Variants in NBPF11 observed in about 807,000 individuals in gnomAD.
NBPF11 encodes NBPF family member NBPF11.
Under a neutral mutation model 93.9 loss-of-function variants are expected in NBPF11, and 72 were observed. The ratio of observed to expected loss-of-function variants is 0.77; its 90% CI spans 0.63 to 0.93. The LOEUF (loss-of-function observed/expected upper bound fraction) is 0.93, where lower values mean the gene tolerates loss of function less well. Among genes scored for constraint, NBPF11 ranks in the 40% least tolerant of loss-of-function variants. The probability of loss-of-function intolerance (pLI) is 0.00; values close to 1 mark genes in which losing one functional copy is unlikely to be tolerated. For missense variants in NBPF11, 705 were observed against 802.2 expected (o/e 0.88, Z 1.46); for synonymous variants, 224 against 304.9 (o/e 0.73, Z 2.76).
chr1:148,140,069 A>G (rs1259867361), intron 2 of NBPF11, among the ~76,000 whole-genome samples: 82 of 152,032 alleles, frequency 5.4e-4, no homozygotes, highest in Non-Finnish European at 9.8e-4. Context: ...AAGTTGGTCA[A>G]AAGAGAAAAC....
intron 18 of NBPF11, among the ~76,000 whole-genome samples, chr1:148,108,021 A>T (rs2149177627): frequency 6.6e-6 from 1 of 150,888 alleles, no homozygotes; most frequent in South Asian, 2.1e-4. Flanking sequence ...GCAAATGGTT[A>T]TGCCATATTT....
intron 2 of NBPF11, among the ~76,000 whole-genome samples, chr1:148,143,213 C>T (rs1225789788): frequency 7.3e-5 from 11 of 151,226 alleles, no homozygotes; most frequent in Non-Finnish European, 1.0e-4. Context: ...CACTTTCACC[C>T]GACCATGGCA....
At chr1:148,119,409 C>A (rs1209602705) in intron 10 of NBPF11, among the ~76,000 whole-genome samples, 10 of 151,962 alleles carry the variant, frequency 6.6e-5, no homozygotes, top group Non-Finnish European at 1.3e-4. Flanking sequence ...TTCACTGCAG[C>A]AATTTACAGA....
At chr1:148,104,116 C>G (rs1402033511) in intron 23 of NBPF11, among the ~76,000 whole-genome samples, 9 of 88,776 alleles carry the variant, frequency 1.0e-4, no homozygotes, top group Middle Eastern at 6.2e-3. Flanking sequence ...GAGAGAGAGA[C>G]AGAGACAGAG....
Position 148,120,596 on chromosome 1 carries a change from T to C in NBPF11, c.893A>G (p.Gln298Arg). ...GAACTGCTGTTTCTTCTCTGCCAGC[T>C]GGGGGCACAATTTCTCATTGATTTC... ...ILEINEKLCP[Q>R]LAEKKQQFRS... The change falls in exon 10 of 24, where the codon CAG (glutamine) becomes CGG (arginine). Residue 298 changes from glutamine to arginine, a missense_variant. Physicochemically the swap from Gln to Arg is conservative, Grantham distance 43. Around this residue, in one of 12 missense-constraint regions of NBPF11, gnomAD observed 262 missense variants for 223.1 expected, o/e 1.17. Transcript: ENST00000682118. The C allele has an allele frequency of 6.7e-7, 1 of 1,493,874 alleles. No individual in the cohort carries two copies. Among genetic ancestry groups the C allele is most frequent in the Non-Finnish European group, 9.3e-7 (1 of 1,071,852 alleles). The allele number at this position is 1,493,874 out of a possible 1,614,324, so 92.5% of individuals were successfully genotyped here.
rs1447371178 is a variant in NBPF11 at position 148,105,557 on chromosome 1, A to G, written c.2304-29T>C. On this transcript the variant is annotated intron_variant, in intron 21 of 23. Transcript: ENST00000682118. ...GAAAAGGAGGAAAAAGTAAAGAATAAGCCAGGGGAAATCACACACAACAGA... is the reference window on the plus strand; with the variant it reads ...GAAAAGGAGGAAAAAGTAAAGAATAGGCCAGGGGAAATCACACACAACAGA... 5.0e-5 allele frequency: 36 copies of G among 724,748 alleles called. 5 individuals carry two copies. In the East Asian group the frequency reaches 9.3e-4, roughly 19 times the overall value. The allele number at this position is 724,748 out of a possible 1,614,324, so 44.9% of individuals were successfully genotyped here.
intron 6 of NBPF11, among the ~76,000 whole-genome samples, chr1:148,124,656 A>G (rs1332258762): frequency 3.3e-5 from 5 of 151,768 alleles, no homozygotes; most frequent in Non-Finnish European, 7.4e-5. Flanking sequence ...ATTTTGTGTT[A>G]TGTAAGTTTC....
intron 1 of NBPF11, chr1:148,149,540 C>T (rs1647735035): frequency 6.3e-7 from 1 of 1,594,050 alleles, no homozygotes; most frequent in African/African-American, 1.3e-5. Context: ...CTTCATCTCC[C>T]AGGAGCTGCC....
intron 1 of NBPF11, chr1:148,149,686 A>G: frequency 1.4e-6 from 1 of 700,790 alleles, no homozygotes. Context: ...CCCCGCCCCG[A>G]CCCAGGGGCT....
chr1:148,141,394 A>T (rs1456133636), intron 2 of NBPF11, among the ~76,000 whole-genome samples: 1 of 152,072 alleles, frequency 6.6e-6, no homozygotes, highest in Non-Finnish European at 1.5e-5. Flanking sequence ...GTGCTGGAGG[A>T]CAGGGGAGCC....
intron 1 of NBPF11, among the ~76,000 whole-genome samples, chr1:148,145,085 A>G (rs1672777063): frequency 6.7e-6 from 1 of 149,274 alleles, no homozygotes; most frequent in African/African-American, 2.6e-5. Flanking sequence ...CCTGGGCAAC[A>G]GAGTAAGACC....
At chr1:148,121,518 CTTTTT>C (rs1290215827) in intron 9 of NBPF11, among the ~76,000 whole-genome samples, 1 of 146,308 alleles carries the variant, frequency 6.8e-6, no homozygotes, top group Non-Finnish European at 1.5e-5. Flanking sequence ...CAGCTAATTT[CTTTTT>C]TTTTTGTATT....
intron 17 of NBPF11, 150 bp downstream of exon 17, chr1:148,109,134 T>A: frequency 1.3e-6 from 1 of 749,176 alleles, no homozygotes; most frequent in Non-Finnish European, 2.4e-6. Context: ...AAACATTTAC[T>A]CTAATGAGAA....
At chr1:148,150,346 C>T (rs1302209287) in intron 1 of NBPF11, among the ~76,000 whole-genome samples, 1 of 150,154 alleles carries the variant, frequency 6.7e-6, no homozygotes, top group Non-Finnish European at 1.5e-5. Context: ...TCAAGTGATC[C>T]GCCCACCTTG....
chr1:148,112,991 A>G (rs1384617483), intron 15 of NBPF11, among the ~76,000 whole-genome samples: 1 of 151,958 alleles, frequency 6.6e-6, no homozygotes, highest in Non-Finnish European at 1.5e-5. Context: ...GAAAGGAACA[A>G]CCGGTACCAG....
intron 1 of NBPF11, chr1:148,146,365 G>A: frequency 7.2e-6 from 11 of 1,520,384 alleles, no homozygotes; most frequent in Middle Eastern, 2.4e-4. Context: ...CGGGGGCCCC[G>A]GTGGAGGCCC....
At chr1:148,143,731 G>A (rs1477341318) in intron 1 of NBPF11, 45 bp from the exon 2 acceptor site, 1 of 155,204 alleles carries the variant, frequency 6.4e-6, no homozygotes, top group Admixed American at 6.5e-5. Flanking sequence ...TGAGATTTGG[G>A]GCTTGGGCAA....
At chr1:148,146,677 C>G in intron 1 of NBPF11, 2 of 1,611,804 alleles carry the variant, frequency 1.2e-6, no homozygotes, top group African/African-American at 1.3e-5. Flanking sequence ...CAAGAGCGCC[C>G]GCGGCAACCG....
At chr1:148,131,796 ACTGT>A (rs1389601424) in intron 4 of NBPF11, among the ~76,000 whole-genome samples, 34 of 58,680 alleles carry the variant, frequency 5.8e-4, no homozygotes, top group African/African-American at 8.6e-4. Flanking sequence ...GAATGGAATG[ACTGT>A]CTATCTGATT....
Sources: allele counts gnomAD v4.1 joint callset (sites outside exome capture counted in the v4.1 genomes callset), GRCh38; gene constraint gnomAD v4.1.1; regional missense constraint gnomAD v4.1.1; transcripts MANE v1.5; gene names NCBI Gene and HGNC (gene_info 2026-07-23, HGNC 2026-07-21).